Variants in LRP1B observed in about 807,000 individuals in gnomAD.
LRP1B encodes the protein low-density lipoprotein receptor-related protein 1B.
LRP1B carries 217 observed loss-of-function variants against 556.6 expected under a neutral mutation model. The ratio of observed to expected loss-of-function variants is 0.39; its 90% CI spans 0.35 to 0.44. The LOEUF is 0.44. LRP1B is among the 20% of genes least tolerant of loss of function. The pLI is 1.00. For synonymous variants in LRP1B, 2,047 were observed against 1,865.8 expected, an observed-to-expected ratio of 1.10 and a Z score of -2.50; for missense variants, 5,053 against 5,620.8, an observed-to-expected ratio of 0.90 and a Z score of 3.23.
chr2:140,576,137 C>T (rs1681516876), intron 43 of LRP1B, among the ~76,000 whole-genome samples: 1 of 152,064 alleles, frequency 6.6e-6, no homozygotes, highest in Admixed American at 6.5e-5. Context: ...ATGCTTCCAT[C>T]ATATTATAAT....
At chr2:140,855,141 T>A (rs887529358) in intron 27 of LRP1B, among the ~76,000 whole-genome samples, 7 of 151,928 alleles carry the variant, frequency 4.6e-5, no homozygotes, top group Admixed American at 6.6e-5. Context: ...GAAAAAAAGC[T>A]GAGATACAAT....
At chr2:140,817,453 C>G (rs973895352) in intron 31 of LRP1B, among the ~76,000 whole-genome samples, 2 of 151,808 alleles carry the variant, frequency 1.3e-5, no homozygotes, top group Non-Finnish European at 1.5e-5. Flanking sequence ...TCCTTATTAT[C>G]AGTCCCGAAT....
chr2:140,736,809 C>T (rs565312513), intron 35 of LRP1B, among the ~76,000 whole-genome samples: 1 of 152,210 alleles, frequency 6.6e-6, no homozygotes, highest in Admixed American at 6.5e-5. Flanking sequence ...GACTTCATGT[C>T]TAAAATATCC....
chr2:141,879,749 T>C (rs1369532), intron 1 of LRP1B, among the ~76,000 whole-genome samples: 131,940 of 151,958 alleles, frequency 0.87, 57,363 homozygotes, highest in East Asian at 1. Context: ...AAAAAACTTG[T>C]CTTGCCAATC....
intron 66 of LRP1B, among the ~76,000 whole-genome samples, chr2:140,400,330 T>C (rs1296653581): frequency 2.0e-5 from 3 of 152,202 alleles, no homozygotes; most frequent in Non-Finnish European, 4.4e-5. Flanking sequence ...GCCCTGTCTC[T>C]TGTTTTGGGT....
chr2:140,681,427 A>C (rs994523263), intron 41 of LRP1B, among the ~76,000 whole-genome samples: 1 of 152,184 alleles, frequency 6.6e-6, no homozygotes, highest in African/African-American at 2.4e-5. Context: ...ATTGTCAATA[A>C]AAAATAAATA....
chr2:141,274,613 T>G (rs995174348), intron 3 of LRP1B, among the ~76,000 whole-genome samples: 1 of 152,184 alleles, frequency 6.6e-6, no homozygotes, highest in African/African-American at 2.4e-5. Context: ...ATGAAAATGT[T>G]CTATAATTTA....
chr2:140,406,585 CT>C (rs1243945686), intron 66 of LRP1B, among the ~76,000 whole-genome samples: 1 of 151,990 alleles, frequency 6.6e-6, no homozygotes, highest in African/African-American at 2.4e-5. Flanking sequence ...GAACCCAACC[CT>C]TTTAACAACA....
chr2:141,122,289 G>T (rs994223112), intron 7 of LRP1B, among the ~76,000 whole-genome samples: 1 of 151,580 alleles, frequency 6.6e-6, no homozygotes, highest in Non-Finnish European at 1.5e-5. Flanking sequence ...CACAGCAAAA[G>T]AAACTACCAT....
chr2:141,574,717 A>C (rs2105268839), intron 2 of LRP1B, among the ~76,000 whole-genome samples: 1 of 152,264 alleles, frequency 6.6e-6, no homozygotes, highest in Admixed American at 6.5e-5. Flanking sequence ...CCAACATCTC[A>C]GCCTAAAAAC....
At chr2:140,476,385 T>C (rs4954838) in intron 59 of LRP1B, among the ~76,000 whole-genome samples, 5,765 of 152,052 alleles carry the variant, frequency 0.038, 170 homozygotes, top group Non-Finnish European at 0.058. Context: ...AAGATTTGCA[T>C]CAAAATAATT....
chr2:141,899,116 A>C (rs1422162444), intron 1 of LRP1B, among the ~76,000 whole-genome samples: 2 of 152,136 alleles, frequency 1.3e-5, no homozygotes, highest in Non-Finnish European at 2.9e-5. Context: ...AACTGAAATT[A>C]CTTAATGCTA....
At chr2:140,682,227 G>A (rs1425145744) in intron 41 of LRP1B, among the ~76,000 whole-genome samples, 2 of 152,152 alleles carry the variant, frequency 1.3e-5, no homozygotes, top group Non-Finnish European at 2.9e-5. Flanking sequence ...CCTGCTGGAG[G>A]AGACTTCACT....
At chr2:141,134,102 G>A (rs779116455) in intron 7 of LRP1B, among the ~76,000 whole-genome samples, 11 of 151,360 alleles carry the variant, frequency 7.3e-5, no homozygotes, top group Non-Finnish European at 1.3e-4. Context: ...ACCCGCCACC[G>A]CCCACCCTCC....
At chr2:141,078,978 CT>C (rs1699859560) in intron 7 of LRP1B, among the ~76,000 whole-genome samples, 1 of 152,098 alleles carries the variant, frequency 6.6e-6, no homozygotes, top group Non-Finnish European at 1.5e-5. Flanking sequence ...CAGGATCATG[CT>C]GATAAGTAAT....
chr2:141,937,481 G>T (rs748355903), intron 1 of LRP1B, among the ~76,000 whole-genome samples: 1 of 151,720 alleles, frequency 6.6e-6, no homozygotes, highest in Non-Finnish European at 1.5e-5. Context: ...CACTTCAAAT[G>T]TATGGATTGA....
At chr2:140,473,556 TTAA>T (rs1687851601) in intron 60 of LRP1B, among the ~76,000 whole-genome samples, 2 of 151,922 alleles carry the variant, frequency 1.3e-5, no homozygotes, top group South Asian at 4.1e-4. Context: ...ACATGATTTT[TTAA>T]TAATAAGTAG....
intron 7 of LRP1B, among the ~76,000 whole-genome samples, chr2:141,101,686 CTTATA>C (rs1445812836): frequency 1.3e-5 from 2 of 151,914 alleles, no homozygotes; most frequent in African/African-American, 4.8e-5. Context: ...AGATTTTTTT[CTTATA>C]TTAGCCTTTT....
Position 140,539,780 on chromosome 2 carries a change from AG to A in LRP1B, c.7513+1192del, listed in dbSNP as rs555995059. Among the ~76,000 whole-genome samples, 49 of 152,294 alleles carry A rather than the reference AG, an allele frequency of 3.2e-4. 2 individuals are homozygous for A. In the South Asian group the frequency reaches 0.01, roughly 32 times the overall value. ...GTTTAAGCAATTGCCTGAGCAATTC[AG>A]AGAAGTGTTAAGTGACAAAGAAATA... On this transcript the variant is annotated intron_variant, in intron 45 of 90. Coordinates refer to ENST00000389484, the MANE Select transcript of LRP1B (RefSeq NM_018557.3).
Sources: allele counts gnomAD v4.1 joint callset (sites outside exome capture counted in the v4.1 genomes callset), GRCh38; gene constraint gnomAD v4.1.1; transcripts MANE v1.5; gene names NCBI Gene and HGNC (gene_info 2026-07-23, HGNC 2026-07-21).